TGFB2: variants seen among roughly 807,000 people sequenced by gnomAD.
The protein encoded by TGFB2 is transforming growth factor beta 2, also known as transforming growth factor beta-2 proprotein.
TGFB2 carries 13 observed loss-of-function variants against 42.7 expected under a neutral mutation model. The ratio of observed to expected loss-of-function variants is 0.30; its 90% CI spans 0.20 to 0.48. The LOEUF is 0.48. Among genes scored for constraint, TGFB2 ranks in the 20% least tolerant of loss-of-function variants. The probability of loss-of-function intolerance (pLI) is 0.99; values close to 1 mark genes in which losing one functional copy is unlikely to be tolerated. For missense variants in TGFB2, 390 were observed against 517.5 expected, an observed-to-expected ratio of 0.75 and a Z score of 2.39; for synonymous variants, 193 against 193.6, an observed-to-expected ratio of 1.00 and a Z score of 0.03.
intron 1 of TGFB2, among the ~76,000 whole-genome samples, chr1:218,374,619 A>G (rs1571847285): frequency 6.6e-6 from 1 of 152,250 alleles, no homozygotes; most frequent in Non-Finnish European, 1.5e-5. Flanking sequence ...CCTTGATGAA[A>G]GGAAGCTGAC....
chr1:218,377,362 T>G (rs1235957714), intron 1 of TGFB2, among the ~76,000 whole-genome samples: 2 of 152,252 alleles, frequency 1.3e-5, no homozygotes, highest in African/African-American at 4.8e-5. Flanking sequence ...TTTCACATTT[T>G]GTAGTATAGT....
At chr1:218,406,418 G>A (rs774136468) in intron 2 of TGFB2, among the ~76,000 whole-genome samples, 3 of 152,314 alleles carry the variant, frequency 2.0e-5, no homozygotes, top group African/African-American at 7.2e-5. Flanking sequence ...GGGGCTGTGA[G>A]AAATGTAGAA....
chr1:218,349,229 A>G (rs1431520663), intron 1 of TGFB2, among the ~76,000 whole-genome samples: 1 of 152,204 alleles, frequency 6.6e-6, no homozygotes, highest in Non-Finnish European at 1.5e-5. Context: ...AGAAAGCCAT[A>G]TTAATAGCAG....
intron 1 of TGFB2, among the ~76,000 whole-genome samples, chr1:218,360,171 A>G (rs956669940): frequency 1.3e-5 from 2 of 152,226 alleles, no homozygotes; most frequent in Admixed American, 1.3e-4. Flanking sequence ...GATGGGCTCC[A>G]GAAACCTGCA....
chr1:218,358,330 G>T (rs1458820439), intron 1 of TGFB2, among the ~76,000 whole-genome samples: 2 of 152,132 alleles, frequency 1.3e-5, no homozygotes, highest in African/African-American at 4.8e-5. Context: ...TTCAGTGTTG[G>T]TAATGTCAGT....
At chr1:218,375,407 C>T (rs1571847886) in intron 1 of TGFB2, among the ~76,000 whole-genome samples, 2 of 140,310 alleles carry the variant, frequency 1.4e-5, no homozygotes, top group South Asian at 2.2e-4. Context: ...CCTTTCTGAA[C>T]TTTTTTTTTT....
At chr1:218,367,492 T>C (rs1408283483) in intron 1 of TGFB2, among the ~76,000 whole-genome samples, 1 of 152,242 alleles carries the variant, frequency 6.6e-6, no homozygotes, top group Non-Finnish European at 1.5e-5. Flanking sequence ...CCTGGTATTC[T>C]GATGTTTTTG....
chr1:218,383,642 C>T (rs1658035577), intron 1 of TGFB2, among the ~76,000 whole-genome samples: 1 of 152,106 alleles, frequency 6.6e-6, no homozygotes, highest in African/African-American at 2.4e-5. Flanking sequence ...TTGCAGAAGC[C>T]CTTTGTCCCT....
chr1:218,409,617 A>G (rs1659029766), intron 2 of TGFB2, among the ~76,000 whole-genome samples: 1 of 152,204 alleles, frequency 6.6e-6, no homozygotes, highest in Non-Finnish European at 1.5e-5. Flanking sequence ...AACACATGCA[A>G]TAAATTTTAC....
intron 6 of TGFB2, among the ~76,000 whole-genome samples, chr1:218,440,031 C>T (rs1660102126): frequency 6.6e-6 from 1 of 152,182 alleles, no homozygotes; most frequent in South Asian, 2.1e-4. Flanking sequence ...TCTGTATCAT[C>T]AGTGGGGAAC....
At chr1:218,389,868 A>G (rs1658264612) in intron 1 of TGFB2, among the ~76,000 whole-genome samples, 1 of 152,234 alleles carries the variant, frequency 6.6e-6, no homozygotes, top group Non-Finnish European at 1.5e-5. Flanking sequence ...AGAAATAAAC[A>G]TCTTCAGTGA....
chr1:218,400,363 G>C (rs1347530308), intron 1 of TGFB2, among the ~76,000 whole-genome samples: 1 of 152,090 alleles, frequency 6.6e-6, no homozygotes, highest in Non-Finnish European at 1.5e-5. Flanking sequence ...GCTCACTTGG[G>C]CATGGGGATG....
chr1:218,432,033 A>C (rs1292747937), intron 2 of TGFB2, among the ~76,000 whole-genome samples: 1 of 152,186 alleles, frequency 6.6e-6, no homozygotes, highest in Non-Finnish European at 1.5e-5. Flanking sequence ...TTATTTAAAA[A>C]TCTTTGCCTC....
rs527337422 is a variant in TGFB2 at position 218,440,163 on chromosome 1, C to T, written c.1087-1041C>T. 4.6e-5 allele frequency among the ~76,000 whole-genome samples: 7 copies of T among 152,276 alleles called. No individual in the cohort carries two copies. In the East Asian group the frequency reaches 1.2e-3, roughly 25 times the overall value. Reference sequence around the variant, plus strand: ...TCAGACTTGCCATTAACTCCTCCAACTCAGCAACTACCATTTACCGCATAG... The same window carrying T: ...TCAGACTTGCCATTAACTCCTCCAATTCAGCAACTACCATTTACCGCATAG... On this transcript the variant is annotated intron_variant, in intron 6 of 6. Transcript: ENST00000366930.
At position 218,409,986 on chromosome 1, in the gene TGFB2, G is replaced by C. The variant is rs571744552; in HGVS notation, c.510+4654G>C. On this transcript the variant is annotated intron_variant, in intron 2 of 6. Transcript: ENST00000366930. Reference sequence around the variant, plus strand: ...GAGCATAGGCACTCCACCAGGTTTGGAATCCCTGGGGGAGCTTTTACGAAG... The same window carrying C: ...GAGCATAGGCACTCCACCAGGTTTGCAATCCCTGGGGGAGCTTTTACGAAG... Among the ~76,000 whole-genome samples the C allele has an allele frequency of 7.2e-5, 11 of 152,324 alleles. No homozygotes were observed. The South Asian group carries it at 2.3e-3, about 32-fold the overall frequency.
chr1:218,392,152 C>A (rs1481771458), intron 1 of TGFB2, among the ~76,000 whole-genome samples: 3 of 152,108 alleles, frequency 2.0e-5, no homozygotes, highest in African/African-American at 7.2e-5. Context: ...GAGATCGAGA[C>A]CATCCTGGCC....
chr1:218,423,712 A>G (rs1571891600), intron 2 of TGFB2, among the ~76,000 whole-genome samples: 1 of 152,160 alleles, frequency 6.6e-6, no homozygotes, highest in African/African-American at 2.4e-5. Context: ...GAACTAAGGA[A>G]TCTGGAGTTT....
At chr1:218,412,388 C>G (rs745885558) in intron 2 of TGFB2, among the ~76,000 whole-genome samples, 31 of 152,094 alleles carry the variant, frequency 2.0e-4, no homozygotes, top group Non-Finnish European at 4.1e-4. Flanking sequence ...TCAAGAGATT[C>G]CTTTGAACCC....
intron 2 of TGFB2, among the ~76,000 whole-genome samples, chr1:218,407,610 A>G (rs1035653131): frequency 1.3e-5 from 2 of 152,216 alleles, no homozygotes; most frequent in African/African-American, 2.4e-5. Flanking sequence ...ACTCACAGCT[A>G]TACTATGAAG....
Sources: gnomAD v4.1 joint callset for allele counts (sites outside exome capture counted in the v4.1 genomes callset) on GRCh38, gnomAD v4.1.1 for gene constraint, MANE v1.5 for transcripts, NCBI Gene and HGNC (gene_info 2026-07-23, HGNC 2026-07-21) for gene names.